Variants in ANK3 observed in about 807,000 individuals in gnomAD.
ANK3 encodes the protein ankyrin-3.
Under a neutral mutation model 370.9 loss-of-function variants are expected in ANK3, and 57 were observed. The ratio of observed to expected loss-of-function variants is 0.15; its 90% CI spans 0.12 to 0.19. The LOEUF (loss-of-function observed/expected upper bound fraction) is 0.19. Ranked by LOEUF, ANK3 falls within the 10% of genes least tolerant of loss-of-function variation. ANK3 has a pLI of 1.00. For synonymous variants in ANK3, 1,929 were observed against 1,946.3 expected (o/e 0.99, Z 0.23); for missense variants, 4,439 against 5,302.1 (o/e 0.84, Z 5.06).
At chr10:60,037,838 G>A (rs144129494) in intron 43 of ANK3, among the ~76,000 whole-genome samples, 31 of 152,254 alleles carry the variant, frequency 2.0e-4, no homozygotes, top group African/African-American at 6.5e-4. Flanking sequence ...TTGAACGGTC[G>A]TTCTGTTTTT....
intron 2 of ANK3, among the ~76,000 whole-genome samples, chr10:60,426,399 G>A (rs1287653242): frequency 6.6e-6 from 1 of 151,998 alleles, no homozygotes; most frequent in Non-Finnish European, 1.5e-5. Flanking sequence ...CCTATACAAA[G>A]CCTCCTGTGT....
At chr10:60,328,132 C>T (rs895109774) in intron 1 of ANK3, among the ~76,000 whole-genome samples, 1 of 152,064 alleles carries the variant, frequency 6.6e-6, no homozygotes, top group Non-Finnish European at 1.5e-5. Flanking sequence ...TAGATATTTC[C>T]AAGATAGGGA....
At chr10:60,592,557 C>T (rs1047780257) in intron 2 of ANK3, among the ~76,000 whole-genome samples, 1 of 152,084 alleles carries the variant, frequency 6.6e-6, no homozygotes. Flanking sequence ...GTCAGGAGTT[C>T]GAGACCAGCC....
chr10:60,094,660 G>A (rs1302961149), intron 28 of ANK3, among the ~76,000 whole-genome samples: 1 of 152,056 alleles, frequency 6.6e-6, no homozygotes, highest in Non-Finnish European at 1.5e-5. Flanking sequence ...GGCTGCAGTT[G>A]ATGGCTAGGC....
At chr10:60,682,582 C>A (rs1263209676) in intron 1 of ANK3, among the ~76,000 whole-genome samples, 1 of 152,158 alleles carries the variant, frequency 6.6e-6, no homozygotes, top group Non-Finnish European at 1.5e-5. Context: ...GGACTCCACT[C>A]TTCTCTGCCT....
At chr10:60,140,593 C>T in intron 23 of ANK3, 23 of 1,386,166 alleles carry the variant, frequency 1.7e-5, no homozygotes, top group Non-Finnish European at 2.1e-5. Context: ...AAATTTCAGG[C>T]CCCCAAAAAA....
intron 38 of ANK3, among the ~76,000 whole-genome samples, chr10:60,066,745 T>C (rs1441203376): frequency 6.6e-6 from 1 of 152,178 alleles, no homozygotes; most frequent in Non-Finnish European, 1.5e-5. Context: ...TGAATTTAGA[T>C]GTGATGATAA....
intron 2 of ANK3, among the ~76,000 whole-genome samples, chr10:60,529,030 G>C (rs1051091457): frequency 4.6e-5 from 7 of 151,930 alleles, no homozygotes; most frequent in Admixed American, 2.6e-4. Flanking sequence ...AGATATGATG[G>C]GTTCACCATT....
At chr10:60,053,088 C>G (rs564543799) in intron 42 of ANK3, among the ~76,000 whole-genome samples, 2 of 152,092 alleles carry the variant, frequency 1.3e-5, no homozygotes, top group Admixed American at 6.5e-5. Context: ...AGAACTTGAA[C>G]TAAGTTTGCT....
chr10:60,103,709 T>C (rs901893755), intron 28 of ANK3, among the ~76,000 whole-genome samples: 2 of 152,224 alleles, frequency 1.3e-5, no homozygotes, highest in Non-Finnish European at 2.9e-5. Context: ...ATTTTTGCTC[T>C]AGTGGACTCC....
At chr10:60,060,219 ATCAATTGTTTCTGT>A (rs1589395235) in intron 40 of ANK3, 1 of 386,362 alleles carries the variant, frequency 2.6e-6, no homozygotes, top group East Asian at 3.8e-5. Flanking sequence ...TAATTAAGAT[ATCAATTGTTTCTGT>A]TTTGGAAATT....
chr10:60,186,347 CTTT>C (rs1555089883), intron 17 of ANK3, among the ~76,000 whole-genome samples: 3 of 133,258 alleles, frequency 2.3e-5, no homozygotes, highest in African/African-American at 2.8e-5. Context: ...ATCTTTCTGT[CTTT>C]TTTTTTTTTT....
At position 60,129,569 on chromosome 10, in the gene ANK3, T is replaced by A. The variant is rs144012574; in HGVS notation, c.2841+4702A>T. Among the ~76,000 whole-genome samples the A allele has an allele frequency of 3.7e-3, 564 of 152,268 alleles. 5 individuals are homozygous for A. The highest frequency in any genetic ancestry group is 0.017 in the Middle Eastern group (5 of 294). ...GAGTTCGAGACAAGCCTGGGCAACA[T>A]GGCAAAATTCCGTCTCTACTAAAAA... On this transcript the variant is annotated intron_variant, in intron 25 of 43. Transcript: ENST00000280772.
At chr10:60,471,081 T>C (rs1167194376) in intron 2 of ANK3, among the ~76,000 whole-genome samples, 2 of 152,244 alleles carry the variant, frequency 1.3e-5, no homozygotes, top group African/African-American at 2.4e-5. Context: ...ACATGTGTTG[T>C]CTCATTTGAC....
chr10:60,723,757 T>C (rs1431496481), intron 1 of ANK3, among the ~76,000 whole-genome samples: 2 of 152,114 alleles, frequency 1.3e-5, no homozygotes, highest in Non-Finnish European at 2.9e-5. Context: ...AACATAATTA[T>C]AGCCATTTTC....
rs1165533840 is a variant in ANK3 at position 60,374,072 on chromosome 10, G to A, written c.114+15353C>T. ...CACTGTGATTTGTAGTCCTGCCCAA[G>A]TGCTCCTTGTATGCCTTGTGCTCCA... On this transcript the variant is annotated intron_variant, in intron 1 of 43. Coordinates refer to ENST00000280772, the MANE Select transcript of ANK3 (RefSeq NM_020987.5). Among the ~76,000 whole-genome samples, 6 of 152,168 alleles carry A rather than the reference G, an allele frequency of 3.9e-5. No individual in the cohort carries two copies. In the South Asian group the frequency reaches 1.2e-3, roughly 32 times the overall value.
chr10:60,118,900 T>C (rs975642063), intron 25 of ANK3, among the ~76,000 whole-genome samples: 5 of 152,326 alleles, frequency 3.3e-5, no homozygotes, highest in South Asian at 2.1e-4. Context: ...CATGTAATAT[T>C]TATCAAAGCC....
rs145726895 is a variant in ANK3 at position 60,604,363 on chromosome 10, T to G, written c.96+10823A>C. Among the ~76,000 whole-genome samples, 4 of 152,232 alleles carry G rather than the reference T, an allele frequency of 2.6e-5. No individual in the cohort carries two copies. In the East Asian group the frequency reaches 7.7e-4, roughly 29 times the overall value. Reference sequence around the variant, plus strand: ...GAGCTCACCTTTTAATGTAGCAAGATCAAACCAAAATGCCTTCAACAAATA... The same window carrying G: ...GAGCTCACCTTTTAATGTAGCAAGAGCAAACCAAAATGCCTTCAACAAATA... On this transcript the variant is annotated intron_variant, in intron 2 of 43. Coordinates refer to the ANK3 transcript ENST00000373827.
intron 2 of ANK3, among the ~76,000 whole-genome samples, chr10:60,404,766 TA>T (rs2063419442): frequency 6.6e-6 from 1 of 152,104 alleles, no homozygotes; most frequent in African/African-American, 2.4e-5. Flanking sequence ...AGCCCACTGT[TA>T]AGAAAATGAA....
Sources: gnomAD v4.1 joint callset for allele counts (sites outside exome capture counted in the v4.1 genomes callset) on GRCh38, gnomAD v4.1.1 for gene constraint, MANE v1.5 for transcripts, NCBI Gene and HGNC (gene_info 2026-07-23, HGNC 2026-07-21) for gene names.